Variants in TSPAN6 observed in about 807,000 individuals in gnomAD.
TSPAN6 encodes the protein tetraspanin 6.
Under a neutral mutation model 18.0 loss-of-function variants are expected in TSPAN6, and 13 were observed. That is an observed-to-expected ratio of 0.72 (90% CI 0.47 to 1.15). The LOEUF is 1.15. Among genes scored for constraint, TSPAN6 ranks in the 50% most tolerant of loss-of-function variants. The probability of loss-of-function intolerance (pLI) is 0.00; values close to 1 mark genes in which losing one functional copy is unlikely to be tolerated. For synonymous variants in TSPAN6, 82 were observed against 67.0 expected (o/e 1.22, Z -1.09); for missense variants, 186 against 183.9 (o/e 1.01, Z -0.07).
At chrX:100,634,124 C>A in intron 3 of TSPAN6, 95 bp from the exon 4 acceptor site, 1 of 530,090 alleles carries the variant, frequency 1.9e-6, no homozygotes, top group East Asian at 3.5e-5. Flanking sequence ...ATGGTCATAT[C>A]TTTGACAGCA....
At chrX:100,634,658 A>C (rs2083082448) in intron 3 of TSPAN6, among the ~76,000 whole-genome samples, 1 of 109,665 alleles carries the variant, frequency 9.1e-6, no homozygotes, top group Admixed American at 9.8e-5. Context: ...CGCCCGGCTA[A>C]TTTTTTGTTT....
intron 1 of TSPAN6, chrX:100,636,246 T>C: frequency 4.9e-6 from 4 of 821,438 alleles, no homozygotes; most frequent in African/African-American, 2.2e-5. Flanking sequence ...ATTATGCAAG[T>C]GAGCCCTCAA....
rs150526824 is a variant in TSPAN6 at position 100,636,092 on chromosome X, C to T, written c.88-346G>A. ...TTTTATGAGTTCCAGAAACTTCCCC[C>T]GTCCTCTCCAGGTAGGGATGGGCAC... On this transcript the variant is annotated intron_variant, in intron 1 of 7. Transcript: ENST00000373020. The T allele has an allele frequency of 6.4e-5, 45 of 699,893 alleles. No homozygotes were observed. The East Asian group carries it at 4.3e-3, about 67-fold the overall frequency. The allele number at this position is 699,893 out of a possible 1,213,427, so 57.7% of individuals were successfully genotyped here.
Position 100,635,059 on chromosome X carries a change from G to A in TSPAN6, c.351+119C>T, listed in dbSNP as rs760199301. 1.0e-5 allele frequency: 5 copies of A among 491,288 alleles called. No homozygotes were observed. The South Asian group carries it at 2.1e-4, about 20-fold the overall frequency. The allele number at this position is 491,288 out of a possible 1,213,427, so 40.5% of individuals were successfully genotyped here. A position where few individuals can be genotyped will look rare whatever the true frequency, so the allele number is the denominator to read the frequency against. ...AAGTGGACCAGAATTTTTACAAGAAGGCCATTATTGTCAGCTACAGGTTTA... is the reference window on the plus strand; with the variant it reads ...AAGTGGACCAGAATTTTTACAAGAAAGCCATTATTGTCAGCTACAGGTTTA... On this transcript the variant is annotated intron_variant, in intron 3 of 7. Transcript: ENST00000373020.
rs903339799 is a variant in TSPAN6, at chrX:100,635,752, T to A, written c.88-6A>T. On this transcript the variant is annotated splice_polypyrimidine_tract_variant and splice_region_variant and intron_variant, in intron 1 of 7. Coordinates refer to ENST00000373020, the MANE Select transcript of TSPAN6 (RefSeq NM_003270.4). ...AGAAGGATAACGCCAGTGATCTATG[T>A]GGGAATTCAGAGAATACAAACAGTT... 1 of 1,156,603 alleles carries A rather than the reference T, an allele frequency of 8.6e-7. No individual in the cohort carries two copies. The highest frequency in any genetic ancestry group is 1.2e-6 in the Non-Finnish European group (1 of 863,578).
chrX:100,636,086 T>C lies in TSPAN6; in HGVS notation c.88-340A>G, dbSNP rs142567691. On this transcript the variant is annotated intron_variant, in intron 1 of 7. Coordinates refer to ENST00000373020, the MANE Select transcript of TSPAN6 (RefSeq NM_003270.4). ...ACGTGATTTTATGAGTTCCAGAAAC[T>C]TCCCCCGTCCTCTCCAGGTAGGGAT... The C allele has an allele frequency of 2.7e-3, 1,861 of 679,145 alleles. 31 individuals carry two copies. In the African/African-American group the frequency reaches 0.04, roughly 15 times the overall value. The allele number at this position is 679,145 out of a possible 1,213,427, so 56.0% of individuals were successfully genotyped here. A position where few individuals can be genotyped will look rare whatever the true frequency, so the allele number is the denominator to read the frequency against.
In TSPAN6 at chrX:100,630,820, T is replaced by C. The variant is rs138104330; in HGVS notation, c.716A>G (p.Asn239Ser). ...GGGTTACACTATCTCATACTGGTTA[T>C]TTGTTATGGCACGAGAGAGGCAGTA... is the stretch of plus-strand genomic sequence containing the variant. Reference protein sequence around the residue: ...LAYCLSRAITNNQYEIV With the variant: ...LAYCLSRAITSNQYEIV The change falls in exon 7 of 8, where the codon AAT becomes AGT. Residue 239 changes from asparagine to serine, a missense_variant. Physicochemically the swap from Asn to Ser is conservative, Grantham distance 46. Coordinates refer to ENST00000373020, the MANE Select transcript of TSPAN6 (RefSeq NM_003270.4). 7.4e-6 allele frequency: 9 copies of C among 1,211,183 alleles called. No homozygotes were observed. The highest frequency in any genetic ancestry group is 1.0e-5 in the Non-Finnish European group (9 of 894,965).
At chrX:100,632,136 G>C in intron 6 of TSPAN6, 1 of 170,433 alleles carries the variant, frequency 5.9e-6, no homozygotes, top group Non-Finnish European at 1.1e-5. Context: ...TGCATGCAGT[G>C]GCTCACGCCT....
At chrX:100,633,371 A>AT in intron 5 of TSPAN6, 34 bp downstream of exon 5, 1 of 1,196,903 alleles carries the variant, frequency 8.4e-7, no homozygotes, top group Non-Finnish European at 1.1e-6. Flanking sequence ...GTCTTCAAAT[A>AT]TTGCCAAATA....
At chrX:100,631,779 G>C (rs1436234265) in intron 6 of TSPAN6, among the ~76,000 whole-genome samples, 1 of 112,063 alleles carries the variant, frequency 8.9e-6, no homozygotes, top group Non-Finnish European at 1.9e-5. Flanking sequence ...CTGGAAAGTT[G>C]CCATAACTAA....
chrX:100,630,966 T>C (rs2147625184), intron 6 of TSPAN6, 100 bp from the exon 7 acceptor site: 1 of 640,202 alleles, frequency 1.6e-6, no homozygotes, highest in South Asian at 2.6e-5. Flanking sequence ...ATAATTTTCG[T>C]CCTTGAGTTT....
intron 6 of TSPAN6, 39 bp from the exon 7 acceptor site, chrX:100,630,905 A>T (rs1298692355): frequency 9.9e-7 from 1 of 1,011,478 alleles, no homozygotes; most frequent in African/African-American, 1.9e-5. Context: ...TACATACACA[A>T]AAGAACTTGA....
rs1252321833 is a variant in TSPAN6 at position 100,627,836 on chromosome X, A to C, written c.*2190T>G. On this transcript the variant is annotated 3_prime_UTR_variant, in exon 8 of 8. Coordinates refer to ENST00000373020, the MANE Select transcript of TSPAN6 (RefSeq NM_003270.4). ...AACTTTTTTTTTTTTTCTGAGATGC[A>C]GGTTCACTCTTATCGCCCAGGCTGG... is the stretch of plus-strand genomic sequence containing the variant. 2.8e-4 allele frequency: 30 copies of C among 106,798 alleles called. No individual in the cohort carries two copies. Among genetic ancestry groups the C allele is most frequent in the African/African-American group, 9.3e-4 (27 of 28,994 alleles). 8.8% of individuals were successfully genotyped at this position (106,798 alleles called of 1,213,427 possible). A position where few individuals can be genotyped will look rare whatever the true frequency, so the allele number is the denominator to read the frequency against.
intron 3 of TSPAN6, 102 bp downstream of exon 3, chrX:100,635,076 A>T: frequency 1.7e-6 from 1 of 583,773 alleles, no homozygotes; most frequent in Non-Finnish European, 2.6e-6. Context: ...ATTGTCAGCT[A>T]CAGGTTTAAA....
At position 100,629,734 on chromosome X, in the gene TSPAN6, G is replaced by A. The variant is rs138817409; in HGVS notation, c.*292C>T. 1 of 112,491 alleles carries A rather than the reference G, an allele frequency of 8.9e-6. No individual in the cohort carries two copies. Among genetic ancestry groups the A allele is most frequent in the East Asian group, 2.8e-4 (1 of 3,546 alleles). 9.3% of individuals were successfully genotyped at this position (112,491 alleles called of 1,213,427 possible). A position where few individuals can be genotyped will look rare whatever the true frequency, so the allele number is the denominator to read the frequency against. On this transcript the variant is annotated 3_prime_UTR_variant, in exon 8 of 8. Coordinates refer to ENST00000373020, the MANE Select transcript of TSPAN6 (RefSeq NM_003270.4). ...TACTAGCTCTTCCAGTGTTTCAGAG[G>A]GATACAGGGTTTCAACGATCTAACA...
In TSPAN6 at chrX:100,633,518, C is replaced by T. The variant is rs777571204; in HGVS notation, c.472G>A (p.Asp158Asn). 7 of 1,198,730 alleles carry T rather than the reference C, an allele frequency of 5.8e-6. No individual in the cohort carries two copies. The highest frequency in any genetic ancestry group is 5.5e-5 in the South Asian group (3 of 54,109). Residue 158 changes from aspartate to asparagine, a missense_variant, in exon 5 of 8, where the codon GAT becomes AAT. Coordinates refer to ENST00000373020, the MANE Select transcript of TSPAN6 (RefSeq NM_003270.4). The part of the protein sequence containing the change: ...QNTLHCCGVT[D>N]YRDWTDTNYY... ...TTAGTATCTGTCCAATCTCTATAAT[C>T]GGTGACACCACAACAATGCAACTGA... is the stretch of plus-strand genomic sequence containing the variant.
chrX:100,636,521 G>C lies in TSPAN6; in HGVS notation c.87+87C>G, dbSNP rs2083096856. The stretch of plus-strand genomic sequence containing the variant: ...GCCGCCCAAACCCCACACCGTTCCC[G>C]ACCTGAGCTCCCGCCGCTCAGGGTC... On this transcript the variant is annotated intron_variant, in intron 1 of 7. Transcript: ENST00000373020. 3.7e-6 allele frequency: 4 copies of C among 1,088,151 alleles called. No homozygotes were observed. In the South Asian group the frequency reaches 1.0e-4, roughly 28 times the overall value. 89.7% of individuals were successfully genotyped at this position (1,088,151 alleles called of 1,213,427 possible).
At chrX:100,633,009 T>C (rs1435515436) in intron 5 of TSPAN6, among the ~76,000 whole-genome samples, 1 of 111,992 alleles carries the variant, frequency 8.9e-6, no homozygotes, top group Admixed American at 9.5e-5. Context: ...CCCTATCTAT[T>C]TCAGCTTATA....
chrX:100,636,421 G>A, intron 1 of TSPAN6, 187 bp downstream of exon 1: 1 of 1,004,411 alleles, frequency 1.0e-6, no homozygotes, highest in Non-Finnish European at 1.3e-6. Context: ...TCCGACCCCA[G>A]CGCCGGCGAG....
Sources: allele counts gnomAD v4.1 joint callset (sites outside exome capture counted in the v4.1 genomes callset), GRCh38; gene constraint gnomAD v4.1.1; transcripts MANE v1.5; gene names NCBI Gene and HGNC (gene_info 2026-07-23, HGNC 2026-07-21).